EIF3K: variants seen among roughly 807,000 people sequenced by gnomAD.
EIF3K encodes the protein eIF-3 p28.
Under a neutral mutation model 34.2 loss-of-function variants are expected in EIF3K, and 27 were observed. That is an observed-to-expected ratio of 0.79 (90% CI 0.58 to 1.09). The LOEUF (loss-of-function observed/expected upper bound fraction) is 1.09, where lower values mean the gene tolerates loss of function less well. EIF3K is among the 50% of genes least tolerant of loss of function. The pLI is 0.00. For synonymous variants in EIF3K, 105 were observed against 105.7 expected (o/e 0.99, Z 0.04); for missense variants, 232 against 275.4 (o/e 0.84, Z 1.11).
chr19:38,630,222 T>C (rs957777589), intron 4 of EIF3K, among the ~76,000 whole-genome samples: 2 of 151,914 alleles, frequency 1.3e-5, no homozygotes, highest in Non-Finnish European at 2.9e-5. Context: ...GATATGATCT[T>C]GGCTCGCTGC....
rs376704723 is a variant in EIF3K, at chr19:38,624,110, G to A, written c.192G>A (p.Thr64=). The change falls in exon 3 of 8, where the codon ACG becomes ACA. Residue 64 remains threonine, a synonymous_variant. Transcript: ENST00000248342. The stretch of plus-strand genomic sequence containing the variant: ...TCAACCCAGCCTTCTTTCAGACCAC[G>A]GTCACCGCCCAGATCCTGCTGAAGG... ...YQFNPAFFQT[T]VTAQILLKAL... 8.2e-5 allele frequency: 132 copies of A among 1,613,972 alleles called. No individual in the cohort carries two copies. Among genetic ancestry groups the A allele is most frequent in the Admixed American group, 1.5e-4 (9 of 59,978 alleles).
At chr19:38,632,709 G>A in intron 6 of EIF3K, 31 bp downstream of exon 6, 2 of 1,584,116 alleles carry the variant, frequency 1.3e-6, no homozygotes, top group Non-Finnish European at 8.6e-7. Flanking sequence ...GTGCACATCT[G>A]GGAGGTTGGG....
rs1976036723 is a variant in EIF3K at position 38,630,347 on chromosome 19, A to ATTTATTTT, written c.355-2080_355-2079insATTTTTTT. On this transcript the variant is annotated intron_variant, in intron 4 of 7. Transcript: ENST00000248342. ...GGTTTAATTATTTATTTATTTATTT[A>ATTTATTTT]TTTTTTTTTTTTTTTGAGATGGAGT... Among the ~76,000 whole-genome samples the ATTTATTTT allele has an allele frequency of 8.8e-5, 11 of 124,388 alleles. 1 individual carries two copies. The highest frequency in any genetic ancestry group is 1.7e-4 in the Admixed American group (2 of 11,760). The allele number at this position is 124,388 out of a possible 152,430, so 81.6% of individuals were successfully genotyped here. A position where few individuals can be genotyped will look rare whatever the true frequency, so the allele number is the denominator to read the frequency against.
chr19:38,632,759 G>T, intron 6 of EIF3K, 81 bp downstream of exon 6: 1 of 1,318,538 alleles, frequency 7.6e-7, no homozygotes, highest in Non-Finnish European at 1.0e-6. Context: ...TCCTCCAACA[G>T]GCCTGTCTGG....
intron 2 of EIF3K, among the ~76,000 whole-genome samples, chr19:38,622,801 T>A (rs1975870920): frequency 6.6e-6 from 1 of 152,242 alleles, no homozygotes; most frequent in Non-Finnish European, 1.5e-5. Context: ...ATTCTCTTTC[T>A]CAGGGACGTT....
Position 38,624,161 on chromosome 19 carries a change from C to T in EIF3K, c.243C>T (p.Asp81=), listed in dbSNP as rs748654759. The change falls in exon 3 of 8, where the codon GAC becomes GAT. Residue 81 remains aspartate (D), a synonymous_variant. Transcript: ENST00000248342. ...CCCTCACCAACTTGCCGCACACAGACTTCACCCTGTGCAAGTGCATGATCG... is the reference window on the plus strand; with the variant it reads ...CCCTCACCAACTTGCCGCACACAGATTTCACCCTGTGCAAGTGCATGATCG... The part of the protein sequence containing the change: ...LKALTNLPHT[D]FTLCKCMIDQ... 3 of 1,614,116 alleles carry T rather than the reference C, an allele frequency of 1.9e-6. No individual in the cohort carries two copies. The highest frequency in any genetic ancestry group is 1.1e-5 in the South Asian group (1 of 91,094).
chr19:38,621,636 T>G (rs1975842591), intron 2 of EIF3K, among the ~76,000 whole-genome samples: 1 of 152,254 alleles, frequency 6.6e-6, no homozygotes, highest in South Asian at 2.1e-4. Context: ...TTACTATGCA[T>G]GCATACATCT....
intron 7 of EIF3K, chr19:38,635,426 G>A (rs1051199525): frequency 4.7e-6 from 2 of 422,110 alleles, no homozygotes; most frequent in Non-Finnish European, 4.2e-6. Context: ...GGCCTGTCTC[G>A]TTGGCCATCT....
chr19:38,631,391 C>T (rs538300741), intron 4 of EIF3K, among the ~76,000 whole-genome samples: 2 of 152,232 alleles, frequency 1.3e-5, no homozygotes, highest in South Asian at 2.1e-4. Context: ...CAGGTAAACA[C>T]GTGAACAAAG....
intron 4 of EIF3K, among the ~76,000 whole-genome samples, chr19:38,631,802 C>T (rs1976072793): frequency 6.6e-6 from 1 of 152,214 alleles, no homozygotes; most frequent in African/African-American, 2.4e-5. Flanking sequence ...TCCCTGCGGT[C>T]TTCCGCAGTG....
At chr19:38,621,773 GT>G (rs1481521407) in intron 2 of EIF3K, among the ~76,000 whole-genome samples, 1 of 151,800 alleles carries the variant, frequency 6.6e-6, no homozygotes, top group African/African-American at 2.4e-5. Context: ...AGTGTTTTTT[GT>G]TTTTTTGTTT....
At chr19:38,620,463 C>T (rs773368925) in intron 2 of EIF3K, 28 bp downstream of exon 2, 2 of 1,595,084 alleles carry the variant, frequency 1.3e-6, no homozygotes, top group East Asian at 4.5e-5. Context: ...TGTCTACACT[C>T]CCATTGCAGC....
At chr19:38,636,562 G>A (rs982455290) in intron 7 of EIF3K, among the ~76,000 whole-genome samples, 2 of 152,128 alleles carry the variant, frequency 1.3e-5, no homozygotes, top group African/African-American at 4.8e-5. Context: ...CACTTCCTTG[G>A]CACTTTGTTC....
chr19:38,627,463 G>A (rs1032494538), intron 4 of EIF3K, among the ~76,000 whole-genome samples: 2 of 151,756 alleles, frequency 1.3e-5, no homozygotes, highest in South Asian at 2.1e-4. Context: ...TCGGGAGTTC[G>A]AGACCAGCCT....
intron 2 of EIF3K, among the ~76,000 whole-genome samples, chr19:38,622,695 G>T (rs551694982): frequency 8.5e-5 from 13 of 152,328 alleles, no homozygotes; most frequent in Non-Finnish European, 1.3e-4. Flanking sequence ...GCCTGGGAAC[G>T]CTATGGGAGA....
intron 2 of EIF3K, among the ~76,000 whole-genome samples, chr19:38,622,887 C>G (rs1229655411): frequency 6.6e-6 from 1 of 152,224 alleles, no homozygotes; most frequent in Non-Finnish European, 1.5e-5. Flanking sequence ...TCTGTTCTGC[C>G]CGGCTCACCG....
intron 6 of EIF3K, among the ~76,000 whole-genome samples, chr19:38,634,732 C>CA (rs1279553367): frequency 2.0e-5 from 3 of 152,070 alleles, no homozygotes; most frequent in African/African-American, 7.2e-5. Context: ...GGAGAGAAAA[C>CA]AGAGGAATAG....
At chr19:38,622,755 C>T (rs960230864) in intron 2 of EIF3K, among the ~76,000 whole-genome samples, 1 of 152,208 alleles carries the variant, frequency 6.6e-6, no homozygotes, top group African/African-American at 2.4e-5. Context: ...AGGTACGCCC[C>T]GGGGGGCCCG....
At chr19:38,636,402 G>A (rs893525858) in intron 7 of EIF3K, among the ~76,000 whole-genome samples, 1 of 152,134 alleles carries the variant, frequency 6.6e-6, no homozygotes, top group African/African-American at 2.4e-5. Flanking sequence ...AGAATCACTT[G>A]AACCCGGAAG....
Sources: gnomAD v4.1 joint callset for allele counts (sites outside exome capture counted in the v4.1 genomes callset) on GRCh38, gnomAD v4.1.1 for gene constraint, MANE v1.5 for transcripts, NCBI Gene and HGNC (gene_info 2026-07-23, HGNC 2026-07-21) for gene names.